Variants in GRAMD4 observed in about 807,000 individuals in gnomAD.
GRAMD4 encodes the protein GRAM domain-containing protein 4.
Under a neutral mutation model 83.9 loss-of-function variants are expected in GRAMD4, and 25 were observed. That is an observed-to-expected ratio of 0.30 (90% CI 0.22 to 0.42). GRAMD4 has a LOEUF of 0.42. GRAMD4 is among the 10% of genes least tolerant of loss of function. The pLI is 1.00. For missense variants in GRAMD4, 593 were observed against 788.7 expected (o/e 0.75, Z 2.97); for synonymous variants, 336 against 320.9 (o/e 1.05, Z -0.50).
chr22:46,609,483 C>A (rs539796555), intron 1 of GRAMD4, among the ~76,000 whole-genome samples: 3 of 152,240 alleles, frequency 2.0e-5, no homozygotes, highest in African/African-American at 7.2e-5. Flanking sequence ...TTTGGAGGTA[C>A]ACAAAGGCTC....
At chr22:46,634,016 C>T (rs1006675283) in intron 2 of GRAMD4, among the ~76,000 whole-genome samples, 1 of 152,242 alleles carries the variant, frequency 6.6e-6, no homozygotes, top group African/African-American at 2.4e-5. Context: ...GGTGCCTGTG[C>T]TCTCAGCAGA....
intron 1 of GRAMD4, among the ~76,000 whole-genome samples, chr22:46,604,412 A>G (rs779205804): frequency 6.6e-6 from 1 of 151,994 alleles, no homozygotes; most frequent in Non-Finnish European, 1.5e-5. Context: ...AACACAATGT[A>G]CCGTCTTAAC....
rs1252761002 is a variant in GRAMD4, at chr22:46,631,402, G to A, written c.162+4441G>A. Among the ~76,000 whole-genome samples, 3 of 149,636 alleles carry A rather than the reference G, an allele frequency of 2.0e-5. 1 individual carries two copies. The highest frequency in any genetic ancestry group is 3.4e-3 in the Middle Eastern group (1 of 292). ...TCTCTGAATGTGACTCCTGGGGACC[G>A]GGGATGGGTAGAACCTCACAGCCTG... is the stretch of plus-strand genomic sequence containing the variant. On this transcript the variant is annotated intron_variant, in intron 2 of 18. Transcript: ENST00000406902.
At chr22:46,679,918 C>A, downstream of GRAMD4, 1 of 322,428 alleles carries the variant, frequency 3.1e-6, no homozygotes, top group Non-Finnish European at 4.5e-6. Flanking sequence ...CTGCCGGCGG[C>A]GGGGCGTTTG....
At chr22:46,627,299 G>A (rs1257201045) in intron 2 of GRAMD4, among the ~76,000 whole-genome samples, 4 of 152,244 alleles carry the variant, frequency 2.6e-5, no homozygotes, top group East Asian at 1.9e-4. Context: ...CAGGGCGGGC[G>A]TTGTCTGGAA....
At position 46,673,265 on chromosome 22, in the gene GRAMD4, G is replaced by T. The variant is rs140569387; in HGVS notation, c.1239+268G>T. On this transcript the variant is annotated intron_variant, in intron 14 of 18. Coordinates refer to ENST00000406902, the MANE Select transcript of GRAMD4 (RefSeq NM_015124.5). The stretch of plus-strand genomic sequence containing the variant: ...GCCTGGGAGTGACCACTCCATGGGG[G>T]TGCCCGGCCCCTGCCATCCCTGACA... Among the ~76,000 whole-genome samples the T allele has an allele frequency of 5.1e-3, 784 of 152,340 alleles. 8 individuals carry two copies. The highest frequency in any genetic ancestry group is 8.5e-3 in the Non-Finnish European group (577 of 68,026).
chr22:46,655,670 C>T (rs945546940), intron 3 of GRAMD4, among the ~76,000 whole-genome samples: 3 of 152,220 alleles, frequency 2.0e-5, no homozygotes, highest in Admixed American at 2.0e-4. Flanking sequence ...GGGTCAGGGG[C>T]CCTGCAGCTC....
Position 46,668,561 on chromosome 22 carries a change from A to G in GRAMD4, c.931-128A>G. 4.6e-6 allele frequency: 4 copies of G among 871,300 alleles called. No individual in the cohort carries two copies. In the South Asian group the frequency reaches 5.3e-5, roughly 12 times the overall value. 54.0% of individuals were successfully genotyped at this position (871,300 alleles called of 1,614,324 possible). A position where few individuals can be genotyped will look rare whatever the true frequency, so the allele number is the denominator to read the frequency against. Reference sequence around the variant, plus strand: ...GCTGGGCCTTCCCCGGCCTAGGAGCAGCCGGGCAGGACCACAGGGCTCCGA... The same window carrying G: ...GCTGGGCCTTCCCCGGCCTAGGAGCGGCCGGGCAGGACCACAGGGCTCCGA... On this transcript the variant is annotated intron_variant, in intron 11 of 18. Coordinates refer to ENST00000406902, the MANE Select transcript of GRAMD4 (RefSeq NM_015124.5).
At position 46,630,632 on chromosome 22, in the gene GRAMD4, C is replaced by T. The variant is rs141603771; in HGVS notation, c.162+3671C>T. Among the ~76,000 whole-genome samples, 892 of 152,320 alleles carry T rather than the reference C, an allele frequency of 5.9e-3. 10 individuals carry two copies. Among genetic ancestry groups the T allele is most frequent in the Middle Eastern group, 0.014 (4 of 294 alleles). ...CCTCTCAGTGCTCCAGGAGCTCTTC[C>T]GTGGCGGACCCCAAGCAGCCTCACT... On this transcript the variant is annotated intron_variant, in intron 2 of 18. Coordinates refer to ENST00000406902, the MANE Select transcript of GRAMD4 (RefSeq NM_015124.5).
upstream of GRAMD4, among the ~76,000 whole-genome samples, chr22:46,576,923 C>T (rs2081046916): frequency 6.9e-6 from 1 of 145,844 alleles, no homozygotes; most frequent in Admixed American, 6.8e-5. Flanking sequence ...GGCCGCGCCG[C>T]GTGACCGAGC....
At chr22:46,595,301 T>C (rs1375572684) in intron 1 of GRAMD4, among the ~76,000 whole-genome samples, 2 of 152,116 alleles carry the variant, frequency 1.3e-5, no homozygotes, top group African/African-American at 4.8e-5. Context: ...ATGGGGGAGA[T>C]TGGCCACTGG....
intron 2 of GRAMD4, among the ~76,000 whole-genome samples, chr22:46,629,050 C>T (rs773145553): frequency 1.3e-5 from 2 of 151,976 alleles, no homozygotes. Context: ...GCAAGGTCAG[C>T]CTGTGGACTG....
intron 2 of GRAMD4, 37 bp from the exon 3 acceptor site, chr22:46,637,803 A>T (rs767388739): frequency 1.9e-6 from 3 of 1,610,704 alleles, no homozygotes. Context: ...AGGGTGCCAC[A>T]GGTGGCCCCT....
chr22:46,611,772 C>T (rs868078229), intron 1 of GRAMD4, among the ~76,000 whole-genome samples: 5 of 150,804 alleles, frequency 3.3e-5, no homozygotes, highest in South Asian at 2.1e-4. Flanking sequence ...GGGTGGATCA[C>T]GAGGTCAGGA....
At position 46,679,484 on chromosome 22, in the gene GRAMD4, C is replaced by G. The variant is rs1029379511; in HGVS notation, c.*2233C>G. The stretch of plus-strand genomic sequence containing the variant: ...GGATCGGCACGGGCTCTGGGCTCCC[C>G]GTGGAGAGAAGCTGTAGTTTTTACC... On this transcript the variant is annotated 3_prime_UTR_variant, in exon 19 of 19. Coordinates refer to ENST00000406902, the MANE Select transcript of GRAMD4 (RefSeq NM_015124.5). The G allele has an allele frequency of 2.0e-6, 2 of 985,520 alleles. No individual in the cohort carries two copies. The highest frequency in any genetic ancestry group is 2.4e-6 in the Non-Finnish European group (2 of 829,842). The allele number at this position is 985,520 out of a possible 1,614,324, so 61.0% of individuals were successfully genotyped here.
downstream of GRAMD4, among the ~76,000 whole-genome samples, chr22:46,681,275 A>C (rs534824062): frequency 6.6e-6 from 1 of 152,170 alleles, no homozygotes; most frequent in Admixed American, 6.5e-5. Flanking sequence ...CAAAAAGGCC[A>C]ACCTTGTGGG....
chr22:46,646,220 G>A (rs928826660), intron 3 of GRAMD4, among the ~76,000 whole-genome samples: 10 of 152,216 alleles, frequency 6.6e-5, no homozygotes, highest in South Asian at 6.2e-4. Context: ...GTGGATTCCC[G>A]GCAGATGCAC....
intron 2 of GRAMD4, among the ~76,000 whole-genome samples, chr22:46,629,350 G>A (rs758554084): frequency 5.3e-5 from 8 of 152,190 alleles, no homozygotes; most frequent in Non-Finnish European, 8.8e-5. Context: ...CGTGGCTGGC[G>A]TCTTGCTTAT....
intron 1 of GRAMD4, among the ~76,000 whole-genome samples, chr22:46,600,689 T>TG (rs1337847819): frequency 6.6e-6 from 1 of 152,176 alleles, no homozygotes; most frequent in Non-Finnish European, 1.5e-5. Context: ...CCTCAAGCGA[T>TG]GGAGGACACT....
Sources: gnomAD v4.1 joint callset for allele counts (sites outside exome capture counted in the v4.1 genomes callset) on GRCh38, gnomAD v4.1.1 for gene constraint, MANE v1.5 for transcripts, NCBI Gene and HGNC (gene_info 2026-07-23, HGNC 2026-07-21) for gene names.